Variants in ZNF655 observed in about 807,000 individuals in gnomAD.
ZNF655 encodes the protein Vav-interacting Kruppel-like protein 1.
In ZNF655, 3 loss-of-function variants were observed where a neutral mutation model predicts 6.6. The ratio of observed to expected loss-of-function variants is 0.46; its 90% CI spans 0.21 to 1.18. ZNF655 has a LOEUF of 1.18. Among genes scored for constraint, ZNF655 ranks in the 50% most tolerant of loss-of-function variants. The probability of loss-of-function intolerance (pLI) is 0.24; values close to 1 mark genes in which losing one functional copy is unlikely to be tolerated. For synonymous variants in ZNF655, 178 were observed against 195.0 expected (o/e 0.91, Z 0.73); for missense variants, 526 against 572.3 (o/e 0.92, Z 0.83).
At chr7:99,564,765 G>A (rs1207940519) in intron 2 of ZNF655, 21 of 926,506 alleles carry the variant, frequency 2.3e-5, no homozygotes, top group African/African-American at 3.6e-5. Context: ...TAATAGCATA[G>A]TATGCTATAG....
chr7:99,561,934 A>G lies in ZNF655; in HGVS notation c.136+1239A>G, dbSNP rs762255785. The G allele has an allele frequency of 6.3e-6, 10 of 1,597,666 alleles. No individual in the cohort carries two copies. In the South Asian group the frequency reaches 7.9e-5, roughly 13 times the overall value. On this transcript the variant is annotated intron_variant, in intron 2 of 2. Transcript: ENST00000252713. ...CTGCTCTTCCCCGTGAGGGAAGCCC[A>G]GGAGACCAGGCAGCTGCGCTCTTGA...
intron 2 of ZNF655, 58 bp from the exon 3 acceptor site, chr7:99,572,187 T>C: frequency 6.7e-7 from 1 of 1,491,986 alleles, no homozygotes. Context: ...CTGAGTTTTC[T>C]TTTCCTAAGC....
chr7:99,573,194 A>G lies in ZNF655; in HGVS notation c.1086A>G (p.Glu362=), dbSNP rs1401073485. Residue 362 remains glutamate, a synonymous_variant, in exon 3 of 3, where the codon GAA becomes GAG. Transcript: ENST00000252713. The part of the protein sequence containing the change: ...HHEEKAYEYD[E]YGLAYIKQQG... Reference sequence around the variant, plus strand: ...AAGAGAAAGCCTATGAGTATGATGAATATGGGTTGGCCTATATTAAACAAC... The same window carrying G: ...AAGAGAAAGCCTATGAGTATGATGAGTATGGGTTGGCCTATATTAAACAAC... 1.2e-6 allele frequency: 2 copies of G among 1,614,174 alleles called. No homozygotes were observed. The highest frequency in any genetic ancestry group is 1.7e-6 in the Non-Finnish European group (2 of 1,180,022).
At chr7:99,566,136 A>G (rs1803614264) in intron 2 of ZNF655, among the ~76,000 whole-genome samples, 1 of 152,130 alleles carries the variant, frequency 6.6e-6, no homozygotes, top group South Asian at 2.1e-4. Flanking sequence ...ATATCTGAGG[A>G]AACTGAGGCT....
chr7:99,567,671 C>G (rs1298883600), intron 2 of ZNF655, among the ~76,000 whole-genome samples: 1 of 152,114 alleles, frequency 6.6e-6, no homozygotes, highest in Non-Finnish European at 1.5e-5. Context: ...GTATGTTGAG[C>G]AAATTATTTA....
rs1279086764 is a variant in ZNF655, at chr7:99,576,390, G to A, written c.*2806G>A. The A allele has an allele frequency of 3.3e-5, 5 of 152,764 alleles. No individual in the cohort carries two copies. Among genetic ancestry groups the A allele is most frequent in the South Asian group, 2.1e-4 (1 of 4,832 alleles). The allele number at this position is 152,764 out of a possible 1,614,324, so 9.5% of individuals were successfully genotyped here. A position where few individuals can be genotyped will look rare whatever the true frequency, so the allele number is the denominator to read the frequency against. On this transcript the variant is annotated 3_prime_UTR_variant, in exon 3 of 3. Transcript: ENST00000252713. ...GAATATGTAAAAATCACATGTATGC[G>A]TTTGGTTTAGGAATGTGCTTTTGTA...
intron 2 of ZNF655, chr7:99,562,296 A>T (rs1296927771): frequency 6.3e-7 from 1 of 1,586,750 alleles, no homozygotes; most frequent in Non-Finnish European, 8.6e-7. Flanking sequence ...TACCCTCTCT[A>T]TGATCTTCAT....
At position 99,573,053 on chromosome 7, in the gene ZNF655, T is replaced by C. The variant is rs1365384281; in HGVS notation, c.945T>C (p.Ser315=). The part of the protein sequence containing the change: ...CSSCERVFSR[S]VHLTQHQKIH... ...GTTGTGAAAGAGTCTTCAGTCGTAG[T>C]GTCCACCTTACTCAACATCAGAAAA... Residue 315 remains serine, a synonymous_variant, in exon 3 of 3, where the codon AGT becomes AGC. Coordinates refer to ENST00000252713, the MANE Select transcript of ZNF655 (RefSeq NM_138494.3). 1.9e-6 allele frequency: 3 copies of C among 1,614,042 alleles called. No individual in the cohort carries two copies. The highest frequency in any genetic ancestry group is 2.5e-6 in the Non-Finnish European group (3 of 1,180,008).
intron 2 of ZNF655, among the ~76,000 whole-genome samples, chr7:99,565,539 A>C (rs1424353272): frequency 6.6e-6 from 1 of 152,234 alleles, no homozygotes; most frequent in African/African-American, 2.4e-5. Context: ...ATGCAGCAGT[A>C]AATATACAGA....
intron 2 of ZNF655, chr7:99,563,865 A>G (rs1376002975): frequency 3.7e-6 from 6 of 1,609,242 alleles, no homozygotes; most frequent in Non-Finnish European, 5.1e-6. Flanking sequence ...CTTTGTAGGC[A>G]TACTTCTCCG....
intron 2 of ZNF655, chr7:99,571,357 C>A: frequency 7.9e-7 from 1 of 1,259,594 alleles, no homozygotes; most frequent in Non-Finnish European, 1.0e-6. Flanking sequence ...TAGACCAGAT[C>A]TAATCCGAAG....
intron 2 of ZNF655, chr7:99,563,920 T>A: frequency 6.2e-7 from 1 of 1,613,784 alleles, no homozygotes; most frequent in Non-Finnish European, 8.5e-7. Context: ...TGCCCGGCCC[T>A]GAGTCATACC....
At chr7:99,564,376 A>C in intron 2 of ZNF655, 5 of 1,072,012 alleles carry the variant, frequency 4.7e-6, no homozygotes, top group Non-Finnish European at 5.6e-6. Flanking sequence ...ATGGTGCCTA[A>C]CTCTCCTGTG....
At chr7:99,569,394 G>A (rs1432776465) in intron 2 of ZNF655, among the ~76,000 whole-genome samples, 1 of 152,184 alleles carries the variant, frequency 6.6e-6, no homozygotes, top group East Asian at 1.9e-4. Flanking sequence ...GTGTAATTTG[G>A]AGGAAGGGAT....
intron 2 of ZNF655, chr7:99,564,723 G>A: frequency 1.0e-6 from 1 of 984,908 alleles, no homozygotes; most frequent in Non-Finnish European, 1.2e-6. Flanking sequence ...ACTTTTTGGA[G>A]TAAAGAAACT....
chr7:99,564,380 T>A, intron 2 of ZNF655: 2 of 1,064,154 alleles, frequency 1.9e-6, no homozygotes, highest in Non-Finnish European at 2.3e-6. Context: ...TGCCTAACTC[T>A]CCTGTGAACC....
intron 2 of ZNF655, among the ~76,000 whole-genome samples, chr7:99,569,291 A>G (rs564115896): frequency 6.6e-6 from 1 of 152,352 alleles, no homozygotes; most frequent in Admixed American, 6.5e-5. Flanking sequence ...AATGTAAATA[A>G]AGCAAGTGCA....
intron 2 of ZNF655, among the ~76,000 whole-genome samples, chr7:99,561,521 A>G (rs1315813348): frequency 1.3e-5 from 2 of 152,202 alleles, no homozygotes; most frequent in African/African-American, 4.8e-5. Flanking sequence ...AGTGCCTGGA[A>G]AGGGTCAGAA....
Position 99,572,232 on chromosome 7 carries a change from T to C in ZNF655, c.137-13T>C. On this transcript the variant is annotated splice_polypyrimidine_tract_variant and intron_variant, in intron 2 of 2. Transcript: ENST00000252713. ...AGATTACATTTGCATTTTCTATTTATATATTGTATCAGATGGAGAGACCAG... is the reference window on the plus strand; with the variant it reads ...AGATTACATTTGCATTTTCTATTTACATATTGTATCAGATGGAGAGACCAG... 1 of 1,561,682 alleles carries C rather than the reference T, an allele frequency of 6.4e-7. No individual in the cohort carries two copies. Among genetic ancestry groups the C allele is most frequent in the East Asian group, 2.2e-5 (1 of 44,482 alleles).
Sources: allele counts gnomAD v4.1 joint callset (sites outside exome capture counted in the v4.1 genomes callset), GRCh38; gene constraint gnomAD v4.1.1; transcripts MANE v1.5; gene names NCBI Gene and HGNC (gene_info 2026-07-23, HGNC 2026-07-21).